SPATS2L: variants seen among roughly 807,000 people sequenced by gnomAD.
The protein encoded by SPATS2L is SPATS2-like protein.
In SPATS2L, 30 loss-of-function variants were observed where a neutral mutation model predicts 59.6. The observed-to-expected ratio is 0.50, with a 90% CI of 0.38 to 0.68. SPATS2L has a LOEUF of 0.68. Among genes scored for constraint, SPATS2L ranks in the 30% least tolerant of loss-of-function variants. The probability of loss-of-function intolerance (pLI) is 0.00; values close to 1 mark genes in which losing one functional copy is unlikely to be tolerated. For synonymous variants in SPATS2L, 252 were observed against 263.5 expected, an observed-to-expected ratio of 0.96 and a Z score of 0.42; for missense variants, 615 against 700.0, an observed-to-expected ratio of 0.88 and a Z score of 1.37.
intron 5 of SPATS2L, among the ~76,000 whole-genome samples, chr2:200,418,631 T>G (rs1051618689): frequency 3.3e-5 from 5 of 150,446 alleles, no homozygotes; most frequent in Admixed American, 3.3e-4. Flanking sequence ...ATGGGGATGA[T>G]TATGGATCCT....
intron 2 of SPATS2L, chr2:200,351,323 G>A: frequency 2.1e-6 from 1 of 471,334 alleles, no homozygotes; most frequent in Non-Finnish European, 4.4e-6. Context: ...AATGATGTTT[G>A]CTAAGTGAAT....
At chr2:200,323,571 A>G (rs117647148) in intron 1 of SPATS2L, among the ~76,000 whole-genome samples, 1 of 152,280 alleles carries the variant, frequency 6.6e-6, no homozygotes, top group East Asian at 1.9e-4. Context: ...TAATAATGGG[A>G]CAGGCCCTTT....
chr2:200,318,309 T>G, intron 1 of SPATS2L, among the ~76,000 whole-genome samples: 1 of 152,222 alleles, frequency 6.6e-6, no homozygotes. Context: ...ATTCAGTACA[T>G]GTACTGAGCT....
intron 8 of SPATS2L, among the ~76,000 whole-genome samples, chr2:200,457,553 G>T (rs1238723062): frequency 6.6e-6 from 1 of 152,200 alleles, no homozygotes; most frequent in Non-Finnish European, 1.5e-5. Context: ...ATGTCAATAG[G>T]TAAGGGACAG....
intron 8 of SPATS2L, among the ~76,000 whole-genome samples, chr2:200,452,120 C>CG (rs1010117238): frequency 6.6e-6 from 1 of 151,976 alleles, no homozygotes; most frequent in Non-Finnish European, 1.5e-5. Flanking sequence ...AAAGGGGAAG[C>CG]GGGGGAGTCA....
At chr2:200,414,449 G>A (rs559361162) in intron 4 of SPATS2L, among the ~76,000 whole-genome samples, 4 of 152,184 alleles carry the variant, frequency 2.6e-5, no homozygotes, top group African/African-American at 4.8e-5. Flanking sequence ...ACAACATGGC[G>A]AGACACTGTC....
intron 1 of SPATS2L, among the ~76,000 whole-genome samples, chr2:200,307,194 T>G (rs1365073341): frequency 1.3e-5 from 2 of 151,228 alleles, no homozygotes; most frequent in East Asian, 4.0e-4. Context: ...GGACGCACAG[T>G]GGCGCTCCCC....
intron 2 of SPATS2L, among the ~76,000 whole-genome samples, chr2:200,373,603 A>G (rs1265683470): frequency 6.6e-6 from 1 of 152,196 alleles, no homozygotes; most frequent in Non-Finnish European, 1.5e-5. Flanking sequence ...AGTTTGGTAA[A>G]TTATGTAATA....
chr2:200,338,436 CA>C (rs2080213966), intron 2 of SPATS2L, among the ~76,000 whole-genome samples: 1 of 152,022 alleles, frequency 6.6e-6, no homozygotes, highest in Admixed American at 6.5e-5. Flanking sequence ...AACATGTAAT[CA>C]AGTGAATAAA....
intron 7 of SPATS2L, 42 bp downstream of exon 7, chr2:200,439,370 CA>C: frequency 6.5e-7 from 1 of 1,543,432 alleles, no homozygotes; most frequent in Middle Eastern, 1.7e-4. Context: ...ACATATTTTG[CA>C]CATACAGAAA....
chr2:200,432,561 G>A (rs1037694308), intron 6 of SPATS2L, among the ~76,000 whole-genome samples: 1 of 152,140 alleles, frequency 6.6e-6, no homozygotes, highest in Non-Finnish European at 1.5e-5. Context: ...AAGATCTAGA[G>A]TTTCTCAATG....
chr2:200,311,038 C>T (rs1473227929), intron 1 of SPATS2L, among the ~76,000 whole-genome samples: 1 of 152,232 alleles, frequency 6.6e-6, no homozygotes, highest in Non-Finnish European at 1.5e-5. Context: ...ATTCTGTCTA[C>T]CGGCCCTGGC....
At chr2:200,320,859 G>C (rs1013552281) in intron 1 of SPATS2L, among the ~76,000 whole-genome samples, 1 of 151,884 alleles carries the variant, frequency 6.6e-6, no homozygotes. Flanking sequence ...CCTTGGACTA[G>C]ATAGAAAAAA....
intron 12 of SPATS2L, among the ~76,000 whole-genome samples, chr2:200,475,847 CA>C (rs3835859): frequency 0.02 from 3,064 of 152,012 alleles, 68 homozygotes; most frequent in East Asian, 0.13. Flanking sequence ...GTTTGATTTT[CA>C]AAAAAGGTTT....
chr2:200,337,198 G>A (rs532527106), intron 2 of SPATS2L, among the ~76,000 whole-genome samples: 2 of 152,298 alleles, frequency 1.3e-5, no homozygotes, highest in South Asian at 4.1e-4. Flanking sequence ...CTGCAGGAAG[G>A]TTTGTAGGTG....
At chr2:200,464,847 G>T (rs755820621) in intron 9 of SPATS2L, among the ~76,000 whole-genome samples, 2 of 152,126 alleles carry the variant, frequency 1.3e-5, no homozygotes, top group African/African-American at 2.4e-5. Context: ...TACTTGAATT[G>T]TTTTCTCATG....
upstream of SPATS2L, chr2:200,306,559 T>G: frequency 1.0e-6 from 1 of 1,000,346 alleles, no homozygotes; most frequent in African/African-American, 1.8e-5. Flanking sequence ...GCGCTGTGTT[T>G]GCGAGCGGGA....
chr2:200,425,207 TGTG>T (rs1290987241), intron 6 of SPATS2L, among the ~76,000 whole-genome samples: 128 of 140,556 alleles, frequency 9.1e-4, no homozygotes, highest in Non-Finnish European at 1.6e-3. Flanking sequence ...ACAGTATCAT[TGTG>T]GTAGGCGGTT....
At chr2:200,420,223 T>C (rs1462190284) in intron 6 of SPATS2L, among the ~76,000 whole-genome samples, 2 of 150,636 alleles carry the variant, frequency 1.3e-5, no homozygotes, top group East Asian at 1.9e-4. Flanking sequence ...GGAAACTGCA[T>C]TGGAATCTAC....
Sources: gnomAD v4.1 joint callset for allele counts (sites outside exome capture counted in the v4.1 genomes callset) on GRCh38, gnomAD v4.1.1 for gene constraint, MANE v1.5 for transcripts, NCBI Gene and HGNC (gene_info 2026-07-23, HGNC 2026-07-21) for gene names.